Variants in QRICH2 observed in about 807,000 individuals in gnomAD.
The protein encoded by QRICH2 is glutamine rich 2, also known as glutamine-rich protein 2.
Under a neutral mutation model 168.3 loss-of-function variants are expected in QRICH2, and 119 were observed. The ratio of observed to expected loss-of-function variants is 0.71; its 90% confidence interval spans 0.61 to 0.82. QRICH2 has a LOEUF of 0.82. Ranked by LOEUF, QRICH2 falls within the 40% of genes least tolerant of loss-of-function variation. The pLI, the probability that QRICH2 is intolerant of heterozygous loss-of-function variation, is 0.00. For missense variants in QRICH2, 2,241 were observed against 2,491.6 expected, an observed-to-expected ratio of 0.90 and a Z score of 2.14; for synonymous variants, 894 against 951.2, an observed-to-expected ratio of 0.94 and a Z score of 1.11.
In QRICH2 at chr17:76,298,038, T is replaced by C. The variant is rs532467193; in HGVS notation, c.706-4017A>G. Among the ~76,000 whole-genome samples the C allele has an allele frequency of 3.3e-5, 5 of 151,376 alleles. No individual in the cohort carries two copies. The East Asian group carries it at 9.7e-4, about 29-fold the overall frequency. On this transcript the variant is annotated intron_variant, in intron 3 of 18. Transcript: ENST00000680821. ...GCACGCACCACCATGCCCGGCTAAT[T>C]TTTTGAATTTTTCAGTAAAGATGGG...
At chr17:76,296,777 CA>C (rs758967969) in intron 3 of QRICH2, among the ~76,000 whole-genome samples, 20,700 of 90,606 alleles carry the variant, frequency 0.23, 1,523 homozygotes, top group African/African-American at 0.34. Flanking sequence ...GGCTCTGTCT[CA>C]AAAAAAAAAA....
intron 17 of QRICH2, 111 bp from the exon 18 acceptor site, chr17:76,276,058 G>T: frequency 1.6e-6 from 2 of 1,278,222 alleles, no homozygotes; most frequent in African/African-American, 1.5e-5. Context: ...GCCGGCCTCA[G>T]CTGAGTGGGG....
At chr17:76,295,504 A>G (rs1467591523) in intron 3 of QRICH2, among the ~76,000 whole-genome samples, 1 of 151,942 alleles carries the variant, frequency 6.6e-6, no homozygotes, top group African/African-American at 2.4e-5. Flanking sequence ...AAAATATAAA[A>G]TATTAGCCAG....
chr17:76,306,225 C>T (rs1402604194), intron 1 of QRICH2, among the ~76,000 whole-genome samples: 1 of 149,818 alleles, frequency 6.7e-6, no homozygotes, highest in Non-Finnish European at 1.5e-5. Flanking sequence ...AAAACCCCCA[C>T]CACACTTTAA....
chr17:76,299,868 C>A (rs2070867662), intron 3 of QRICH2, among the ~76,000 whole-genome samples: 1 of 151,342 alleles, frequency 6.6e-6, no homozygotes, highest in Admixed American at 6.6e-5. Context: ...GCTCTTGTTG[C>A]CCAGGCTGGA....
At position 76,287,781 on chromosome 17, in the gene QRICH2, C is replaced by G; in HGVS notation, c.3896+19G>C. The stretch of plus-strand genomic sequence containing the variant: ...TCGTGATGCCAGGGGACCAGCTGCT[C>G]TTAGCTGGGGCATTTTACCTGAGGA... On this transcript the variant is annotated intron_variant, in intron 6 of 18. Transcript: ENST00000680821. 5 of 1,585,380 alleles carry G rather than the reference C, an allele frequency of 3.2e-6. No individual in the cohort carries two copies. In the South Asian group the frequency reaches 5.5e-5, roughly 18 times the overall value.
Position 76,307,566 on chromosome 17 carries a change from G to T in QRICH2, c.433C>A (p.Leu145Ile). ...ACCTCCTGCTCCTCCGGCCACTCTA[G>T]CGCGGCCAGGTCAAGCCCGCTGGCC... ...SQASGLDLAA[L>I]EWPEEQEVGV... The change falls in exon 1 of 19, where the codon CTA (leucine) becomes ATA (isoleucine). Residue 145 changes from leucine (L) to isoleucine (I), a missense_variant. This residue lies in a region of QRICH2 where 2,047 missense variants were observed against 2,303.8 expected (regional missense o/e 0.89). Coordinates refer to ENST00000680821, the MANE Select transcript of QRICH2 (RefSeq NM_001388453.1). The surrounding 1 kb of genome is among the most constrained non-coding windows in gnomAD (Gnocchi z 5.3). 6.3e-7 allele frequency: 1 copy of T among 1,579,014 alleles called. No homozygotes were observed. Among genetic ancestry groups the T allele is most frequent in the Non-Finnish European group, 8.6e-7 (1 of 1,162,710 alleles).
intron 18 of QRICH2, among the ~76,000 whole-genome samples, chr17:76,274,636 TA>T (rs753733177): frequency 2.6e-5 from 4 of 152,094 alleles, no homozygotes; most frequent in Admixed American, 6.5e-5. Flanking sequence ...TCAGTGCCCT[TA>T]GAGTAGACAC....
intron 3 of QRICH2, among the ~76,000 whole-genome samples, chr17:76,295,155 A>G (rs1481076964): frequency 6.6e-6 from 1 of 152,034 alleles, no homozygotes; most frequent in African/African-American, 2.4e-5. Context: ...GCTACTTGGG[A>G]GGACAAGTCA....
intron 3 of QRICH2, among the ~76,000 whole-genome samples, chr17:76,299,193 C>T (rs1350805183): frequency 2.0e-5 from 3 of 152,118 alleles, no homozygotes; most frequent in Non-Finnish European, 2.9e-5. Flanking sequence ...AAAGATGAGG[C>T]TTAACTTCCC....
chr17:76,293,062 C>T lies in QRICH2; in HGVS notation c.1665G>A (p.Leu555=). The T allele has an allele frequency of 6.2e-7, 1 of 1,614,200 alleles. No homozygotes were observed. The highest frequency in any genetic ancestry group is 8.5e-7 in the Non-Finnish European group (1 of 1,180,040). ...CAGGTTGTATGAAGCCAGTTGCTTCCAAACTGGGCTGCACAAAACCTTGCT... is the reference window on the plus strand; with the variant it reads ...CAGGTTGTATGAAGCCAGTTGCTTCTAAACTGGGCTGCACAAAACCTTGCT... ...ADQQGFVQPS[L]EATGFIQPGT... Residue 555 remains leucine, a synonymous_variant, in exon 4 of 19, where the codon TTG becomes TTA. Transcript: ENST00000680821.
At chr17:76,277,924 A>G (rs950185695) in intron 15 of QRICH2, 65 bp downstream of exon 15, 51 of 1,554,644 alleles carry the variant, frequency 3.3e-5, no homozygotes, top group Non-Finnish European at 4.3e-5. Context: ...ACAGCCGTGC[A>G]CGAGCAGAAG....
intron 3 of QRICH2, among the ~76,000 whole-genome samples, chr17:76,298,833 C>G (rs1367195698): frequency 6.6e-6 from 1 of 152,030 alleles, no homozygotes; most frequent in Non-Finnish European, 1.5e-5. Flanking sequence ...TCAGGCTGGT[C>G]TCAAATTCCC....
intron 12 of QRICH2, 103 bp downstream of exon 12, chr17:76,279,930 C>G: frequency 7.3e-7 from 1 of 1,365,310 alleles, no homozygotes. Flanking sequence ...GGGCAGGATC[C>G]GCTGTGTGCT....
intron 3 of QRICH2, among the ~76,000 whole-genome samples, chr17:76,297,273 A>G (rs985820500): frequency 3.9e-5 from 6 of 152,230 alleles, no homozygotes; most frequent in African/African-American, 1.4e-4. Context: ...TTGGGAGGCC[A>G]ACGCGGGAGG....
Position 76,307,031 on chromosome 17 carries a change from T to C in QRICH2, c.534+434A>G, listed in dbSNP as rs1185198897. 1.3e-5 allele frequency among the ~76,000 whole-genome samples: 2 copies of C among 152,138 alleles called. No individual in the cohort carries two copies. Among genetic ancestry groups the C allele is most frequent in the Non-Finnish European group, 2.9e-5 (2 of 68,020 alleles). On this transcript the variant is annotated intron_variant, in intron 1 of 18. Coordinates refer to ENST00000680821, the MANE Select transcript of QRICH2 (RefSeq NM_001388453.1). This position sits in a 1 kb window ranked among gnomAD's most constrained non-coding sequence, Gnocchi z 5.3. Reference sequence around the variant, plus strand: ...AACACGTATCTCTTCATGTCCTTATTCATTTTAAAAAGGGAATTCACTCTA... The same window carrying C: ...AACACGTATCTCTTCATGTCCTTATCCATTTTAAAAAGGGAATTCACTCTA...
intron 6 of QRICH2, 64 bp from the exon 7 acceptor site, chr17:76,287,370 C>T (rs2070908832): frequency 6.1e-6 from 7 of 1,156,116 alleles, no homozygotes; most frequent in Non-Finnish European, 9.1e-6. Flanking sequence ...AGAGCCTGGG[C>T]CATCAGGGAC....
intron 13 of QRICH2, 110 bp downstream of exon 13, chr17:76,279,253 G>A (rs2070744134): frequency 7.5e-7 from 1 of 1,334,266 alleles, no homozygotes; most frequent in Non-Finnish European, 1.1e-6. Context: ...AAGGGAGCGA[G>A]GGCTGGAAGC....
chr17:76,290,957 A>T (rs572184565), intron 4 of QRICH2, 58 bp downstream of exon 4: 3 of 1,573,770 alleles, frequency 1.9e-6, no homozygotes, highest in Non-Finnish European at 2.6e-6. Context: ...GAAGAAAAGG[A>T]TGAAACCAAC....
Sources: gnomAD v4.1 joint callset for allele counts (sites outside exome capture counted in the v4.1 genomes callset) on GRCh38, gnomAD v4.1.1 for gene constraint, gnomAD v4.1.1 regional missense constraint, Gnocchi (gnomAD v3.1) non-coding constraint, MANE v1.5 for transcripts, NCBI Gene and HGNC (gene_info 2026-07-23, HGNC 2026-07-21) for gene names.